POLR3C: variants seen among roughly 807,000 people sequenced by gnomAD.
POLR3C encodes DNA-directed RNA polymerase III subunit RPC3.
POLR3C carries 44 observed loss-of-function variants against 65.9 expected under a neutral mutation model. The observed-to-expected ratio is 0.67, with a 90% CI of 0.52 to 0.86. The LOEUF (loss-of-function observed/expected upper bound fraction) is 0.86, where lower values mean the gene tolerates loss of function less well. POLR3C is among the 40% of genes least tolerant of loss of function. POLR3C has a pLI of 0.00. For missense variants in POLR3C, 576 were observed against 653.2 expected, an observed-to-expected ratio of 0.88 and a Z score of 1.29; for synonymous variants, 263 against 231.6, an observed-to-expected ratio of 1.14 and a Z score of -1.23.
At position 145,842,512 on chromosome 1, in the gene POLR3C, G is replaced by A. The variant is rs587755528; in HGVS notation, c.*92G>A. 10 of 866,718 alleles carry A rather than the reference G, an allele frequency of 1.2e-5. No individual in the cohort carries two copies. Among genetic ancestry groups the A allele is most frequent in the South Asian group, 2.7e-5 (2 of 75,314 alleles). 53.7% of individuals were successfully genotyped at this position (866,718 alleles called of 1,614,324 possible). Reference sequence around the variant, plus strand: ...TGCATTATTTGCAGTGGGATAAGTCGCAGAGTCTTCAACTAAACCCCCCTC... The same window carrying A: ...TGCATTATTTGCAGTGGGATAAGTCACAGAGTCTTCAACTAAACCCCCCTC... On this transcript the variant is annotated 3_prime_UTR_variant, in exon 15 of 15. Transcript: ENST00000334163.
At chr1:145,829,883 G>C (rs1651152588) in intron 5 of POLR3C, among the ~76,000 whole-genome samples, 1 of 152,092 alleles carries the variant, frequency 6.6e-6, no homozygotes, top group Admixed American at 6.6e-5. Context: ...TCCTACACTA[G>C]TTCCTACCAC....
chr1:145,832,787 C>G (rs1266209105), intron 5 of POLR3C, among the ~76,000 whole-genome samples: 2 of 151,992 alleles, frequency 1.3e-5, no homozygotes, highest in Non-Finnish European at 2.9e-5. Flanking sequence ...ACTTGGAGTC[C>G]GAGGCAGGCA....
intron 5 of POLR3C, among the ~76,000 whole-genome samples, chr1:145,829,989 T>C (rs879979773): frequency 6.6e-6 from 1 of 152,224 alleles, no homozygotes; most frequent in Non-Finnish European, 1.5e-5. Flanking sequence ...GGCTTTATCC[T>C]GAAGGCAAAG....
chr1:145,825,828 G>T lies in POLR3C; in HGVS notation c.52G>T (p.Gly18Ter). ...TTCTTTGTTGCTGCAAGAGCATTTT[G>T]GAGAGATTGTAGAAAAAATTGGAGT... is the stretch of plus-strand genomic sequence containing the variant. ...LCSLLLQEHFGEIVEKIGVHL... is the reference protein window; with the variant it reads ...LCSLLLQEHF The change falls in exon 2 of 15, where the codon GGA becomes TGA. Residue 18 changes from glycine to a stop codon, truncating the protein, a stop_gained. Coordinates refer to ENST00000334163, the MANE Select transcript of POLR3C (RefSeq NM_006468.8). LOFTEE classifies it high-confidence loss of function. 6.2e-7 allele frequency: 1 copy of T among 1,612,894 alleles called. No individual in the cohort carries two copies. Among genetic ancestry groups the T allele is most frequent in the Non-Finnish European group, 8.5e-7 (1 of 1,178,884 alleles).
intron 6 of POLR3C, 59 bp downstream of exon 6, chr1:145,833,423 T>G: frequency 1.3e-6 from 2 of 1,512,246 alleles, no homozygotes; most frequent in Non-Finnish European, 1.8e-6. Flanking sequence ...TTGTCAGATA[T>G]GGCCATTGGC....
intron 7 of POLR3C, among the ~76,000 whole-genome samples, chr1:145,834,278 C>T (rs1651597341): frequency 1.3e-5 from 2 of 152,164 alleles, no homozygotes; most frequent in Admixed American, 1.3e-4. Flanking sequence ...ATGGAGCTTT[C>T]AGGACTAAAA....
At position 145,844,004 on chromosome 1, in the gene POLR3C, GAAGA is replaced by G. The variant is rs1652480690; in HGVS notation, c.*1590_*1593del. On this transcript the variant is annotated 3_prime_UTR_variant, in exon 15 of 15. Transcript: ENST00000334163. Reference sequence around the variant, plus strand: ...CACCCCAATTCATTACTTTTATCAAGAAGAAAGAATGAATGCTAGTGAGGATGTG... The same window carrying G: ...CACCCCAATTCATTACTTTTATCAAGAAGAATGAATGCTAGTGAGGATGTG... Among the ~76,000 whole-genome samples the G allele has an allele frequency of 6.6e-6, 1 of 152,138 alleles. No homozygotes were observed. The highest frequency in any genetic ancestry group is 1.5e-5 in the Non-Finnish European group (1 of 68,018).
At position 145,838,096 on chromosome 1, in the gene POLR3C, C is replaced by G. The variant is rs113683759; in HGVS notation, c.1111C>G (p.Gln371Glu). Residue 371 changes from glutamine (Q) to glutamate (E), a missense_variant, in exon 11 of 15, where the codon CAG becomes GAG. By Grantham distance (29) the Gln-to-Glu change is conservative (BLOSUM62 2). Transcript: ENST00000334163. Reference protein sequence around the residue: ...RCARIFRLVLQKKHIEQKQVE... With the variant: ...RCARIFRLVLEKKHIEQKQVE... ...TGCTAGAATATTCCGTCTAGTTTTGCAGAAGAAACACATAGAGCAGAAGCA... is the reference window on the plus strand; with the variant it reads ...TGCTAGAATATTCCGTCTAGTTTTGGAGAAGAAACACATAGAGCAGAAGCA... The G allele has an allele frequency of 1.1e-3, 1,708 of 1,613,940 alleles. 18 individuals carry two copies. In the African/African-American group the frequency reaches 0.02, roughly 19 times the overall value.
intron 4 of POLR3C, among the ~76,000 whole-genome samples, chr1:145,827,618 G>A (rs1047500676): frequency 2.8e-4 from 43 of 152,086 alleles, no homozygotes; most frequent in Admixed American, 8.5e-4. Flanking sequence ...AATTAGCTGG[G>A]TGTGGTGGCG....
chr1:145,834,661 T>G (rs1410824947), intron 7 of POLR3C, among the ~76,000 whole-genome samples: 3 of 151,540 alleles, frequency 2.0e-5, no homozygotes, highest in Non-Finnish European at 4.4e-5. Context: ...ACCACACATG[T>G]GAGTAATGTG....
At chr1:145,832,667 G>C (rs1553727474) in intron 5 of POLR3C, among the ~76,000 whole-genome samples, 2 of 152,174 alleles carry the variant, frequency 1.3e-5, no homozygotes. Flanking sequence ...AAAGTCATCT[G>C]CCGAGAGTGA....
At chr1:145,840,539 C>CA (rs1365187639) in intron 13 of POLR3C, 1,804 of 226,354 alleles carry the variant, frequency 8.0e-3, no homozygotes, top group South Asian at 0.013. Flanking sequence ...GACTCCATCT[C>CA]AAAAAAAAAA....
In POLR3C at chr1:145,843,398, T is replaced by G. The variant is rs1652436057; in HGVS notation, c.*978T>G. ...AGATGTTTTATAATATCTTCAGTTTTCTCTCACCAATGTGTTTTCTAATTG... is the reference window on the plus strand; with the variant it reads ...AGATGTTTTATAATATCTTCAGTTTGCTCTCACCAATGTGTTTTCTAATTG... On this transcript the variant is annotated 3_prime_UTR_variant, in exon 15 of 15. Transcript: ENST00000334163. Among the ~76,000 whole-genome samples, 1 of 152,200 alleles carries G rather than the reference T, an allele frequency of 6.6e-6. No individual in the cohort carries two copies. Among genetic ancestry groups the G allele is most frequent in the Non-Finnish European group, 1.5e-5 (1 of 68,038 alleles).
In POLR3C at chr1:145,842,778, T is replaced by C. The variant is rs1553730946; in HGVS notation, c.*358T>C. ...TTCAGATGTCTATGCCTGTTCTTTA[T>C]TTTGTTGAGATAGGTGATAGATAGA... On this transcript the variant is annotated 3_prime_UTR_variant, in exon 15 of 15. Coordinates refer to ENST00000334163, the MANE Select transcript of POLR3C (RefSeq NM_006468.8). Among the ~76,000 whole-genome samples, 3 of 110,286 alleles carry C rather than the reference T, an allele frequency of 2.7e-5. No individual in the cohort carries two copies. Among genetic ancestry groups the C allele is most frequent in the Non-Finnish European group, 5.7e-5 (3 of 52,564 alleles). The allele number at this position is 110,286 out of a possible 152,430, so 72.4% of individuals were successfully genotyped here. A position where few individuals can be genotyped will look rare whatever the true frequency, so the allele number is the denominator to read the frequency against.
At position 145,836,560 on chromosome 1, in the gene POLR3C, C is replaced by T. The variant is rs1420957376; in HGVS notation, c.943C>T (p.Leu315=). 18 of 1,601,142 alleles carry T rather than the reference C, an allele frequency of 1.1e-5. No individual in the cohort carries two copies. The highest frequency in any genetic ancestry group is 1.5e-5 in the Non-Finnish European group (18 of 1,168,396). Residue 315 remains leucine, a synonymous_variant, in exon 8 of 15, where the codon CTG becomes TTG. Coordinates refer to ENST00000334163, the MANE Select transcript of POLR3C (RefSeq NM_006468.8). ...KQVLDQYLTL[L]ADDPLEFVGK... is the part of the protein sequence containing the mutation. ...AGTTCTTGATCAGTATCTCACTCTGCTGGCAGATGATCCAGTAAGTCTGTT... is the reference window on the plus strand; with the variant it reads ...AGTTCTTGATCAGTATCTCACTCTGTTGGCAGATGATCCAGTAAGTCTGTT...
rs1274643213 is a variant in POLR3C, at chr1:145,841,251, T to G, written c.1523+180T>G. 5.3e-5 allele frequency among the ~76,000 whole-genome samples: 8 copies of G among 152,236 alleles called. No homozygotes were observed. In the East Asian group the frequency reaches 5.8e-4, roughly 11 times the overall value. ...AGCAATTCTGAAGATGTTCTGAGCT[T>G]CTTCTCCATCACCATATACACTCTC... On this transcript the variant is annotated intron_variant, in intron 14 of 14. Coordinates refer to ENST00000334163, the MANE Select transcript of POLR3C (RefSeq NM_006468.8).
At position 145,826,670 on chromosome 1, in the gene POLR3C, G is replaced by A; in HGVS notation, c.364G>A (p.Val122Met). Residue 122 changes from valine (V) to methionine (M), a missense_variant, in exon 3 of 15, where the codon GTG becomes ATG. Transcript: ENST00000334163. Reference sequence around the variant, plus strand: ...CGGCAAACTGACAATGTCAGCTGTTGTGAAGAAAGTGGCAGACCGGCTCAC... The same window carrying A: ...CGGCAAACTGACAATGTCAGCTGTTATGAAGAAAGTGGCAGACCGGCTCAC... ...LNGKLTMSAV[V>M]KKVADRLTET... The A allele has an allele frequency of 6.2e-7, 1 of 1,614,178 alleles. No homozygotes were observed. Among genetic ancestry groups the A allele is most frequent in the South Asian group, 1.1e-5 (1 of 91,076 alleles).
rs116364374 is a variant in POLR3C at position 145,829,687 on chromosome 1, C to T, written c.678+850C>T. Among the ~76,000 whole-genome samples the T allele has an allele frequency of 2.9e-3, 445 of 152,298 alleles. 6 individuals are homozygous for T. The highest frequency in any genetic ancestry group is 0.01 in the African/African-American group (427 of 41,548). ...GGGCTCTTCAACCTCACCTCTGCCC[C>T]GTCTCCATCTTACTCACTGTGTTCC... On this transcript the variant is annotated intron_variant, in intron 5 of 14. Transcript: ENST00000334163.
intron 4 of POLR3C, among the ~76,000 whole-genome samples, 193 bp downstream of exon 4, chr1:145,827,198 C>G (rs1373564149): frequency 1.3e-5 from 2 of 152,156 alleles, no homozygotes; most frequent in Non-Finnish European, 2.9e-5. Flanking sequence ...CGGAAAATCA[C>G]ATCGATATAT....
Sources: gnomAD v4.1 joint callset for allele counts (sites outside exome capture counted in the v4.1 genomes callset) on GRCh38, gnomAD v4.1.1 for gene constraint, MANE v1.5 for transcripts, NCBI Gene and HGNC (gene_info 2026-07-23, HGNC 2026-07-21) for gene names.